SPAM1: variants seen among roughly 807,000 people sequenced by gnomAD.
SPAM1 encodes the protein hyaluronidase PH-20.
A neutral mutation model predicts 29.6 loss-of-function variants in SPAM1; 22 were observed. The observed-to-expected ratio is 0.74, with a 90% CI of 0.53 to 1.06. The LOEUF (loss-of-function observed/expected upper bound fraction) is 1.06. SPAM1 is among the 50% of genes least tolerant of loss of function. The pLI is 0.00. For missense variants in SPAM1, 534 were observed against 604.0 expected (o/e 0.88, Z 1.21); for synonymous variants, 194 against 204.6 (o/e 0.95, Z 0.44).
intron 1 of SPAM1, among the ~76,000 whole-genome samples, chr7:123,929,580 T>A (rs1203083072): frequency 2.0e-5 from 3 of 152,110 alleles, no homozygotes; most frequent in African/African-American, 7.2e-5. Context: ...GCTTTTTTAT[T>A]TTAAAAGATC....
At chr7:123,933,448 T>G (rs1808152871) in intron 1 of SPAM1, among the ~76,000 whole-genome samples, 1 of 152,200 alleles carries the variant, frequency 6.6e-6, no homozygotes, top group East Asian at 1.9e-4. Flanking sequence ...CAAGCTTACA[T>G]ACTTTTAAAA....
chr7:123,951,790 T>A (rs1272466282), intron 2 of SPAM1, among the ~76,000 whole-genome samples: 1 of 152,036 alleles, frequency 6.6e-6, no homozygotes, highest in Non-Finnish European at 1.5e-5. Flanking sequence ...CTTGGCTAAT[T>A]TTTGTATTTC....
chr7:123,952,793 G>A (rs1309212278), intron 2 of SPAM1, among the ~76,000 whole-genome samples: 2 of 151,668 alleles, frequency 1.3e-5, no homozygotes, highest in Non-Finnish European at 2.9e-5. Context: ...GCGTACCAAG[G>A]AGCCTTTCAG....
At chr7:123,945,907 A>G (rs1808563951) in intron 1 of SPAM1, among the ~76,000 whole-genome samples, 1 of 152,172 alleles carries the variant, frequency 6.6e-6, no homozygotes, top group Admixed American at 6.5e-5. Flanking sequence ...CAAGTCAGGT[A>G]GAGTTGGTCA....
chr7:123,959,955 G>T lies in SPAM1; in HGVS notation c.1516G>T (p.Val506Leu). 1 of 1,606,962 alleles carries T rather than the reference G, an allele frequency of 6.2e-7. No individual in the cohort carries two copies. The change falls in exon 5 of 5, where the codon GTA becomes TTA. Residue 506 changes from valine (V) to leucine (L), a missense_variant. Physicochemically the swap from Val to Leu is conservative, Grantham distance 32. Coordinates refer to ENST00000682466, the MANE Select transcript of SPAM1 (RefSeq NM_153189.3). The part of the protein sequence containing the change: ...VSILFLIISS[V>L]ASL The stretch of plus-strand genomic sequence containing the variant: ...TATTTTGTTTCTTATCATTTCTTCT[G>T]TAGCGAGTTTGTAATTGCGCAGGTT...
chr7:123,947,579 C>CAT (rs1491530869), intron 1 of SPAM1: 2 of 1,790 alleles, frequency 1.1e-3, no homozygotes, highest in Non-Finnish European at 2.2e-3. Flanking sequence ...ATTAAAACAC[C>CAT]ACACACACAC....
In SPAM1 at chr7:123,954,362, T is replaced by C. The variant is rs1286865346; in HGVS notation, c.792T>C (p.Tyr264=). 2 of 1,613,524 alleles carry C rather than the reference T, an allele frequency of 1.2e-6. No individual in the cohort carries two copies. The highest frequency in any genetic ancestry group is 2.2e-5 in the South Asian group (2 of 91,050). The stretch of plus-strand genomic sequence containing the variant: ...GCACTGCTCTTTACCCATCCATTTA[T>C]TTGAACACTCAGCAGTCTCCTGTAG... ...NESTALYPSI[Y]LNTQQSPVAA... is the part of the protein sequence containing the mutation. Residue 264 remains tyrosine, a synonymous_variant, in exon 3 of 5, where the codon TAT becomes TAC. Transcript: ENST00000682466.
rs149971659 is a variant in SPAM1 at position 123,959,614 on chromosome 7, G to A, written c.1175G>A (p.Trp392Ter). Reference sequence around the variant, plus strand: ...CAAGGAGTGTGTATAAGGAAAAACTGGAATTCAAGTGACTATCTTCACCTC... The same window carrying A: ...CAAGGAGTGTGTATAAGGAAAAACTAGAATTCAAGTGACTATCTTCACCTC... ...QEQGVCIRKN[W>*]NSSDYLHLNP... Residue 392 changes from tryptophan (W) to a stop codon, truncating the protein, a stop_gained, in exon 5 of 5, where the codon TGG (tryptophan) becomes TAG (stop). Transcript: ENST00000682466. LOFTEE classifies it low-confidence loss of function (END_TRUNC). The A allele has an allele frequency of 3.3e-5, 53 of 1,613,182 alleles. 1 individual carries two copies. The highest frequency in any genetic ancestry group is 3.3e-4 in the Middle Eastern group (2 of 6,046).
chr7:123,947,325 G>T (rs1808608747), intron 1 of SPAM1, among the ~76,000 whole-genome samples: 1 of 152,048 alleles, frequency 6.6e-6, no homozygotes, highest in Non-Finnish European at 1.5e-5. Context: ...GACGTGGCGA[G>T]ATCACTTCAG....
intron 1 of SPAM1, among the ~76,000 whole-genome samples, chr7:123,936,092 T>A (rs1049729344): frequency 3.9e-5 from 6 of 152,244 alleles, no homozygotes; most frequent in Non-Finnish European, 7.3e-5. Flanking sequence ...ACTACTTAAG[T>A]GAAATTTAGT....
In SPAM1 at chr7:123,953,870, T is replaced by C; in HGVS notation, c.300T>C (p.Pro100=). Residue 100 remains proline, a synonymous_variant, in exon 3 of 5, where the codon CCT becomes CCC. Coordinates refer to ENST00000682466, the MANE Select transcript of SPAM1 (RefSeq NM_153189.3). ...IFYVDRLGYY[P]YIDSITGVTV... ...ATGTTGATAGACTTGGCTACTATCCTTACATAGATTCAATCACAGGAGTAA... is the reference window on the plus strand; with the variant it reads ...ATGTTGATAGACTTGGCTACTATCCCTACATAGATTCAATCACAGGAGTAA... The C allele has an allele frequency of 1.2e-6, 2 of 1,613,716 alleles. No individual in the cohort carries two copies. The highest frequency in any genetic ancestry group is 8.5e-7 in the Non-Finnish European group (1 of 1,179,812).
At chr7:123,970,323 A>G (rs1051538319) in intron 6 of SPAM1, 3 of 1,500,168 alleles carry the variant, frequency 2.0e-6, no homozygotes, top group African/African-American at 1.4e-5. Flanking sequence ...TGTGTCTTCC[A>G]TATGTTTCTG....
downstream of SPAM1, among the ~76,000 whole-genome samples, chr7:123,961,963 C>T (rs1238529026): frequency 6.6e-6 from 1 of 151,872 alleles, no homozygotes; most frequent in Non-Finnish European, 1.5e-5. Context: ...AATCTGTCAC[C>T]GTGATTCAAT....
At chr7:123,949,305 G>T (rs1432028653) in intron 1 of SPAM1, among the ~76,000 whole-genome samples, 1 of 152,038 alleles carries the variant, frequency 6.6e-6, no homozygotes, top group African/African-American at 2.4e-5. Flanking sequence ...TTGGATGAAA[G>T]AAAATTAGAA....
chr7:123,937,572 G>T (rs1032610739), intron 1 of SPAM1, among the ~76,000 whole-genome samples: 9 of 127,390 alleles, frequency 7.1e-5, no homozygotes, highest in African/African-American at 2.1e-4. Context: ...CTGCACTCCA[G>T]CCTGGGCAAC....
At chr7:123,946,524 G>A (rs1808580760) in intron 1 of SPAM1, among the ~76,000 whole-genome samples, 1 of 152,160 alleles carries the variant, frequency 6.6e-6, no homozygotes, top group Non-Finnish European at 1.5e-5. Context: ...GGACGTGCCT[G>A]TGACACAGCT....
downstream of SPAM1, among the ~76,000 whole-genome samples, chr7:123,961,324 C>T (rs1176019929): frequency 5.9e-5 from 9 of 151,886 alleles, no homozygotes; most frequent in Admixed American, 5.9e-4. Context: ...TTCTCTCCTC[C>T]CATCCTTCCT....
intron 1 of SPAM1, among the ~76,000 whole-genome samples, chr7:123,931,833 G>GATCT (rs765668970): frequency 7.6e-4 from 116 of 152,232 alleles, no homozygotes; most frequent in Non-Finnish European, 1.3e-3. Context: ...TACAAGCCGA[G>GATCT]ATCTCAGAAC....
intron 1 of SPAM1, among the ~76,000 whole-genome samples, chr7:123,927,773 C>T (rs1299749081): frequency 6.6e-6 from 1 of 152,006 alleles, no homozygotes; most frequent in South Asian, 2.1e-4. Flanking sequence ...GCTACAGGGT[C>T]GAAATTGGTT....
Sources: allele counts gnomAD v4.1 joint callset (sites outside exome capture counted in the v4.1 genomes callset), GRCh38; gene constraint gnomAD v4.1.1; transcripts MANE v1.5; gene names NCBI Gene and HGNC (gene_info 2026-07-23, HGNC 2026-07-21).